Variants in FSHR observed in about 807,000 individuals in gnomAD.
The protein encoded by FSHR is follicle-stimulating hormone receptor.
Under a neutral mutation model 52.1 loss-of-function variants are expected in FSHR, and 46 were observed. That is an observed-to-expected ratio of 0.88 (90% CI 0.70 to 1.13). FSHR has a LOEUF of 1.13. FSHR is among the 50% of genes most tolerant of loss of function. FSHR has a pLI of 0.00. For missense variants in FSHR, 964 were observed against 834.6 expected (o/e 1.16, Z -1.91); for synonymous variants, 399 against 309.6 (o/e 1.29, Z -3.03).
chr2:49,054,822 C>G (rs1293245084), intron 2 of FSHR, among the ~76,000 whole-genome samples: 1 of 152,146 alleles, frequency 6.6e-6, no homozygotes, highest in Non-Finnish European at 1.5e-5. Flanking sequence ...ACTATTGTAT[C>G]CACCTAGAAC....
At chr2:49,029,169 C>G (rs1337402565) in intron 2 of FSHR, among the ~76,000 whole-genome samples, 1 of 152,166 alleles carries the variant, frequency 6.6e-6, no homozygotes, top group East Asian at 1.9e-4. Flanking sequence ...CTATATTTGA[C>G]CTAATTTAAC....
At position 49,016,194 on chromosome 2, in the gene FSHR, T is replaced by C. The variant is rs571846055; in HGVS notation, c.374+1295A>G. On this transcript the variant is annotated intron_variant, in intron 4 of 9. Coordinates refer to ENST00000406846, the MANE Select transcript of FSHR (RefSeq NM_000145.4). ...ATTAATAGCTAATATTTACTGAGCA[T>C]CTACTATCAGAGGCGTAGTACAAAA... 2.1e-4 allele frequency among the ~76,000 whole-genome samples: 32 copies of C among 152,336 alleles called. 1 individual carries two copies. Among genetic ancestry groups the C allele is most frequent in the Admixed American group, 1.9e-3 (29 of 15,302 alleles).
At chr2:49,148,852 A>G (rs951540399) in intron 1 of FSHR, among the ~76,000 whole-genome samples, 1 of 152,050 alleles carries the variant, frequency 6.6e-6, no homozygotes, top group African/African-American at 2.4e-5. Flanking sequence ...TGGAGAATAA[A>G]GAGAGGTAAA....
chr2:49,026,003 G>T (rs114693446), intron 2 of FSHR, among the ~76,000 whole-genome samples: 394 of 152,268 alleles, frequency 2.6e-3, no homozygotes, highest in African/African-American at 9.2e-3. Flanking sequence ...TTGCCACAAG[G>T]CTCCTTTTAC....
At chr2:49,127,809 T>C (rs7582152) in intron 1 of FSHR, among the ~76,000 whole-genome samples, 57 of 56,652 alleles carry the variant, frequency 1.0e-3, no homozygotes, top group South Asian at 1.6e-3. Context: ...CTTCTTCTTC[T>C]TCTTCTTCTT....
At chr2:49,071,757 C>G (rs529809380) in intron 1 of FSHR, among the ~76,000 whole-genome samples, 3 of 152,244 alleles carry the variant, frequency 2.0e-5, no homozygotes, top group Non-Finnish European at 2.9e-5. Flanking sequence ...ATCTTCCACT[C>G]ATGGCAGTAG....
At chr2:49,127,771 T>C (rs904878144) in intron 1 of FSHR, among the ~76,000 whole-genome samples, 2 of 39,086 alleles carry the variant, frequency 5.1e-5, no homozygotes, top group African/African-American at 2.3e-4. Context: ...TTCTTCTTCT[T>C]CTTCTTCTTC....
chr2:49,079,042 G>A lies in FSHR; in HGVS notation c.153-10752C>T, dbSNP rs139950021. On this transcript the variant is annotated intron_variant, in intron 1 of 9. Transcript: ENST00000406846. ...ACCAGTCTACGACATCACTATGACAGCTGATAAGAAAGTCTAGTTAGATAG... is the reference window on the plus strand; with the variant it reads ...ACCAGTCTACGACATCACTATGACAACTGATAAGAAAGTCTAGTTAGATAG... 1.8e-3 allele frequency among the ~76,000 whole-genome samples: 279 copies of A among 152,208 alleles called. 1 individual carries two copies. Among genetic ancestry groups the A allele is most frequent in the African/African-American group, 6.3e-3 (260 of 41,524 alleles).
intron 1 of FSHR, among the ~76,000 whole-genome samples, chr2:49,127,573 TC>T (rs1211314944): frequency 6.6e-6 from 1 of 151,184 alleles, no homozygotes; most frequent in Non-Finnish European, 1.5e-5. Flanking sequence ...ATACATCTCT[TC>T]CCTTATCTAA....
chr2:49,050,419 C>G (rs1448862952), intron 2 of FSHR, among the ~76,000 whole-genome samples: 1 of 152,098 alleles, frequency 6.6e-6, no homozygotes, highest in Non-Finnish European at 1.5e-5. Context: ...TGTGGCAGTT[C>G]CAAGGGCTTA....
At chr2:48,979,563 C>T (rs1040860454) in intron 8 of FSHR, among the ~76,000 whole-genome samples, 1 of 152,164 alleles carries the variant, frequency 6.6e-6, no homozygotes, top group Non-Finnish European at 1.5e-5. Flanking sequence ...CTTTCTCCTC[C>T]CCAGGAGTTT....
chr2:49,033,315 C>A (rs1381761620), intron 2 of FSHR, among the ~76,000 whole-genome samples: 1 of 151,898 alleles, frequency 6.6e-6, no homozygotes, highest in African/African-American at 2.4e-5. Context: ...GCTTGTGTAA[C>A]CTAAAGATAT....
At chr2:49,030,732 C>T (rs1668072690) in intron 2 of FSHR, among the ~76,000 whole-genome samples, 1 of 152,122 alleles carries the variant, frequency 6.6e-6, no homozygotes, top group Non-Finnish European at 1.5e-5. Context: ...ATTTACAGGT[C>T]TGTATTCTCT....
At position 48,963,652 on chromosome 2, in the gene FSHR, CT is replaced by C; in HGVS notation, c.1168del (p.Ser390AlafsTer71). ...CCTGGGGACTGTGAGTTTATATTGG[CT>C]GGTAGTTAGGATCACTAGCACTATG... The part of the protein sequence containing the change: ...NIIVLVILTT[S>X]QYKLTVPRFL... On this transcript the variant is annotated frameshift_variant, in exon 10 of 10. Transcript: ENST00000406846. LOFTEE classifies it high-confidence loss of function. 1 of 1,614,100 alleles carries C rather than the reference CT, an allele frequency of 6.2e-7. No individual in the cohort carries two copies. Among genetic ancestry groups the C allele is most frequent in the East Asian group, 2.2e-5 (1 of 44,878 alleles).
intron 9 of FSHR, among the ~76,000 whole-genome samples, chr2:48,967,928 G>C (rs1395673961): frequency 2.0e-5 from 3 of 152,188 alleles, no homozygotes; most frequent in African/African-American, 7.2e-5. Flanking sequence ...GGCTTATGTA[G>C]GTGAGCTCAG....
At chr2:49,046,482 C>T (rs1052100773) in intron 2 of FSHR, among the ~76,000 whole-genome samples, 2 of 152,156 alleles carry the variant, frequency 1.3e-5, no homozygotes, top group Non-Finnish European at 2.9e-5. Flanking sequence ...AACGTTCTCA[C>T]TATAAAATTA....
chr2:49,118,589 C>G (rs1671688850), intron 1 of FSHR, among the ~76,000 whole-genome samples: 1 of 152,164 alleles, frequency 6.6e-6, no homozygotes, highest in South Asian at 2.1e-4. Context: ...GAAATAGTTG[C>G]ATAAGCTAGA....
intron 1 of FSHR, among the ~76,000 whole-genome samples, chr2:49,094,181 T>C (rs1670730352): frequency 6.6e-6 from 1 of 152,204 alleles, no homozygotes; most frequent in South Asian, 2.1e-4. Flanking sequence ...ATTAAACTTT[T>C]AGAATCCACT....
chr2:49,008,424 C>G (rs535225995), intron 4 of FSHR, among the ~76,000 whole-genome samples: 57 of 151,162 alleles, frequency 3.8e-4, no homozygotes, highest in African/African-American at 1.3e-3. Flanking sequence ...TCCAGTCTAT[C>G]ATTGTTGGAC....
Sources: gnomAD v4.1 joint callset for allele counts (sites outside exome capture counted in the v4.1 genomes callset) on GRCh38, gnomAD v4.1.1 for gene constraint, MANE v1.5 for transcripts, NCBI Gene and HGNC (gene_info 2026-07-23, HGNC 2026-07-21) for gene names.